NTNG1: variants seen among roughly 807,000 people sequenced by gnomAD.
NTNG1 encodes the protein netrin-G1.
Under a neutral mutation model 54.0 loss-of-function variants are expected in NTNG1, and 16 were observed. That is an observed-to-expected ratio of 0.30 (90% CI 0.20 to 0.45). The LOEUF (loss-of-function observed/expected upper bound fraction) is 0.45. Among genes scored for constraint, NTNG1 ranks in the 20% least tolerant of loss-of-function variants. The pLI is 1.00. For synonymous variants in NTNG1, 255 were observed against 263.1 expected (o/e 0.97, Z 0.30); for missense variants, 530 against 678.7 (o/e 0.78, Z 2.43).
chr1:107,361,055 T>C (rs986095010), intron 3 of NTNG1, among the ~76,000 whole-genome samples: 2 of 149,062 alleles, frequency 1.3e-5, no homozygotes, highest in African/African-American at 4.9e-5. Flanking sequence ...TGGAAGTACA[T>C]AGCTCCAAAA....
At chr1:107,201,407 C>T (rs1658745462) in intron 2 of NTNG1, among the ~76,000 whole-genome samples, 1 of 151,858 alleles carries the variant, frequency 6.6e-6, no homozygotes, top group African/African-American at 2.4e-5. Flanking sequence ...TTGTAATCCT[C>T]ATATAATTTT....
At chr1:107,290,475 T>A (rs1665509709) in intron 2 of NTNG1, among the ~76,000 whole-genome samples, 1 of 152,212 alleles carries the variant, frequency 6.6e-6, no homozygotes, top group African/African-American at 2.4e-5. Flanking sequence ...TAAGCCATTT[T>A]TTTTTAAATC....
chr1:107,331,666 T>A (rs1358929785), intron 3 of NTNG1, among the ~76,000 whole-genome samples: 2 of 152,134 alleles, frequency 1.3e-5, no homozygotes. Flanking sequence ...TATATCTTAA[T>A]GGATAAACTT....
chr1:107,462,664 T>C (rs12754044), intron 7 of NTNG1, among the ~76,000 whole-genome samples: 1 of 152,248 alleles, frequency 6.6e-6, no homozygotes, highest in Non-Finnish European at 1.5e-5. Context: ...CTTTTTGTTG[T>C]TGTTTTTAAA....
At chr1:107,413,309 C>T (rs1372365219) in intron 5 of NTNG1, among the ~76,000 whole-genome samples, 1 of 151,854 alleles carries the variant, frequency 6.6e-6, no homozygotes, top group Non-Finnish European at 1.5e-5. Context: ...ACTACAGGCT[C>T]CTGCCACCAC....
intron 5 of NTNG1, among the ~76,000 whole-genome samples, chr1:107,411,897 A>G (rs1246294534): frequency 6.6e-6 from 1 of 152,180 alleles, no homozygotes; most frequent in Non-Finnish European, 1.5e-5. Context: ...CTAAAATTGA[A>G]TGAACATTAG....
At chr1:107,276,548 C>A (rs1664489445) in intron 2 of NTNG1, among the ~76,000 whole-genome samples, 1 of 152,038 alleles carries the variant, frequency 6.6e-6, no homozygotes, top group African/African-American at 2.4e-5. Context: ...GTGGAAGAAT[C>A]CATTGTGTCT....
intron 3 of NTNG1, among the ~76,000 whole-genome samples, chr1:107,325,430 T>C (rs75390528): frequency 7.2e-5 from 11 of 152,216 alleles, no homozygotes; most frequent in African/African-American, 2.4e-4. Flanking sequence ...TTTGTTAAAT[T>C]GGGACACGCT....
At chr1:107,305,277 G>A (rs1453192779) in intron 2 of NTNG1, among the ~76,000 whole-genome samples, 1 of 152,088 alleles carries the variant, frequency 6.6e-6, no homozygotes, top group African/African-American at 2.4e-5. Flanking sequence ...GGGTCAAATG[G>A]TATTTCTGGT....
At chr1:107,262,501 A>AT (rs1165705496) in intron 2 of NTNG1, among the ~76,000 whole-genome samples, 7 of 152,162 alleles carry the variant, frequency 4.6e-5, no homozygotes, top group Non-Finnish European at 7.4e-5. Flanking sequence ...AGGAGTTTAT[A>AT]TTTTTTCTGA....
At chr1:107,140,442 C>T (rs1296071605), upstream of NTNG1, among the ~76,000 whole-genome samples, 1 of 151,954 alleles carries the variant, frequency 6.6e-6, no homozygotes, top group African/African-American at 2.4e-5. Flanking sequence ...GCGGGGAGTC[C>T]GGGAGCCGCA....
chr1:107,351,727 C>T (rs926570106), intron 3 of NTNG1, among the ~76,000 whole-genome samples: 1 of 152,180 alleles, frequency 6.6e-6, no homozygotes, highest in African/African-American at 2.4e-5. Context: ...CCAGCAGTCC[C>T]CCAAAGTCTT....
At position 107,195,548 on chromosome 1, in the gene NTNG1, A is replaced by G. The variant is rs143372823; in HGVS notation, c.246+46709A>G. On this transcript the variant is annotated intron_variant, in intron 2 of 7. Transcript: ENST00000370068. ...GCCAAAGTCCTCACTATGTCCCACAAGGCCCTACATAATTTGATTCCTATC... is the reference window on the plus strand; with the variant it reads ...GCCAAAGTCCTCACTATGTCCCACAGGGCCCTACATAATTTGATTCCTATC... 4.0e-4 allele frequency among the ~76,000 whole-genome samples: 61 copies of G among 152,002 alleles called. No individual in the cohort carries two copies. In the East Asian group the frequency reaches 0.011, roughly 27 times the overall value.
chr1:107,375,141 G>T (rs1671152966), intron 3 of NTNG1, among the ~76,000 whole-genome samples: 1 of 152,068 alleles, frequency 6.6e-6, no homozygotes, highest in South Asian at 2.1e-4. Context: ...ATCGTTCAGG[G>T]GGACCATGTA....
At chr1:107,323,225 T>A (rs920765360) in intron 2 of NTNG1, among the ~76,000 whole-genome samples, 25 of 152,046 alleles carry the variant, frequency 1.6e-4, no homozygotes, top group African/African-American at 5.6e-4. Context: ...GAGTACAGAA[T>A]AAGAAACACC....
At chr1:107,153,495 C>A (rs1262294349) in intron 2 of NTNG1, among the ~76,000 whole-genome samples, 2 of 152,120 alleles carry the variant, frequency 1.3e-5, no homozygotes, top group South Asian at 4.1e-4. Context: ...CTTAATTATG[C>A]CAAAATGGAA....
chr1:107,171,217 T>A (rs1656211234), intron 2 of NTNG1, among the ~76,000 whole-genome samples: 1 of 152,192 alleles, frequency 6.6e-6, no homozygotes. Flanking sequence ...TTCCACCTTA[T>A]ATTTTTTGAG....
rs776588522 is a variant in NTNG1 at position 107,148,709 on chromosome 1, C to T, written c.116C>T (p.Thr39Met). 1.6e-5 allele frequency: 26 copies of T among 1,613,454 alleles called. No individual in the cohort carries two copies. Among genetic ancestry groups the T allele is most frequent in the African/African-American group, 5.3e-5 (4 of 74,820 alleles). The change falls in exon 2 of 8, where the codon ACG (threonine) becomes ATG (methionine). Residue 39 changes from threonine to methionine, a missense_variant. Physicochemically the swap from Thr to Met is moderately conservative, Grantham distance 81 (BLOSUM62 -1). Around this residue, in one of 2 missense-constraint regions of NTNG1, gnomAD observed 318 missense variants for 465.1 expected, o/e 0.68. Coordinates refer to ENST00000370068, the MANE Select transcript of NTNG1 (RefSeq NM_001113226.3). ...HYDLCKTQIY[T>M]EEGKVWDYMA... Reference sequence around the variant, plus strand: ...GATTTGTGTAAGACTCAGATTTACACGGAAGAAGGGAAAGTTTGGGATTAC... The same window carrying T: ...GATTTGTGTAAGACTCAGATTTACATGGAAGAAGGGAAAGTTTGGGATTAC...
intron 3 of NTNG1, among the ~76,000 whole-genome samples, chr1:107,362,190 T>C (rs1670342981): frequency 6.6e-6 from 1 of 152,200 alleles, no homozygotes. Context: ...TCAATTTTCT[T>C]AAGTCTGTGT....
Sources: allele counts gnomAD v4.1 joint callset (sites outside exome capture counted in the v4.1 genomes callset), GRCh38; gene constraint gnomAD v4.1.1; regional missense constraint gnomAD v4.1.1; transcripts MANE v1.5; gene names NCBI Gene and HGNC (gene_info 2026-07-23, HGNC 2026-07-21).